Variants in MYO5C observed in about 807,000 individuals in gnomAD.
MYO5C encodes myosin VC.
Under a neutral mutation model 235.7 loss-of-function variants are expected in MYO5C, and 194 were observed. That is an observed-to-expected ratio of 0.82 (90% CI 0.73 to 0.93). The LOEUF (loss-of-function observed/expected upper bound fraction) is 0.93. Ranked by LOEUF, MYO5C falls within the 40% of genes least tolerant of loss-of-function variation. The pLI, the probability that MYO5C is intolerant of heterozygous loss-of-function variation, is 0.00. For missense variants in MYO5C, 2,038 were observed against 2,127.2 expected (o/e 0.96, Z 0.82); for synonymous variants, 707 against 754.8 (o/e 0.94, Z 1.04).
chr15:52,196,991 CCT>C, intron 38 of MYO5C, among the ~76,000 whole-genome samples: 1 of 152,156 alleles, frequency 6.6e-6, no homozygotes, highest in Non-Finnish European at 1.5e-5. Flanking sequence ...AGTTAATCGA[CCT>C]CTCTGGGCAC....
At chr15:52,194,731 G>A (rs12903539) in intron 40 of MYO5C, among the ~76,000 whole-genome samples, 24,105 of 150,346 alleles carry the variant, frequency 0.16, 2,173 homozygotes, top group Admixed American at 0.28. Flanking sequence ...TATTATATAC[G>A]CCATATTTTA....
At position 52,279,655 on chromosome 15, in the gene MYO5C, T is replaced by A; in HGVS notation, c.158A>T (p.Asn53Ile). ...CCGAAGTGGAGGCAGAGATTCTGGA[T>A]TGACAGAATAATCCAGCTCCTATGG... ...EDGTELDYSV[N>I]PESLPPLRNP... Residue 53 changes from asparagine to isoleucine, a missense_variant, in exon 3 of 41, where the codon AAT becomes ATT. Physicochemically the swap from Asn to Ile is moderately radical, Grantham distance 149. Transcript: ENST00000261839. The A allele has an allele frequency of 6.2e-7, 1 of 1,613,162 alleles. No individual in the cohort carries two copies. Among genetic ancestry groups the A allele is most frequent in the Non-Finnish European group, 8.5e-7 (1 of 1,179,142 alleles).
At chr15:52,257,453 A>T (rs2036607309) in intron 10 of MYO5C, among the ~76,000 whole-genome samples, 1 of 152,200 alleles carries the variant, frequency 6.6e-6, no homozygotes, top group Non-Finnish European at 1.5e-5. Flanking sequence ...GCGGCCCAGG[A>T]TGTTAGATTA....
intron 29 of MYO5C, among the ~76,000 whole-genome samples, chr15:52,223,163 AAAAG>A (rs1238515502): frequency 2.6e-5 from 4 of 151,386 alleles, no homozygotes; most frequent in African/African-American, 7.3e-5. Context: ...AAAAAAAAAA[AAAAG>A]GTGAGATTTC....
chr15:52,208,184 A>G (rs1234139653), intron 36 of MYO5C, among the ~76,000 whole-genome samples: 4 of 152,250 alleles, frequency 2.6e-5, no homozygotes, highest in Non-Finnish European at 1.5e-5. Context: ...CAAAGGAAAC[A>G]TATTTATAGA....
chr15:52,268,382 G>A (rs756885331), intron 8 of MYO5C, among the ~76,000 whole-genome samples: 29 of 152,118 alleles, frequency 1.9e-4, no homozygotes, highest in Admixed American at 6.5e-5. Context: ...GGCCAACACG[G>A]TGAAACCCTG....
chr15:52,232,198 G>A (rs1566971505), intron 24 of MYO5C, among the ~76,000 whole-genome samples: 6 of 76,206 alleles, frequency 7.9e-5, no homozygotes, highest in East Asian at 3.3e-3. Context: ...AAGGGAGGAA[G>A]GAAGGAAGGA....
intron 14 of MYO5C, among the ~76,000 whole-genome samples, chr15:52,247,987 C>T (rs188379394): frequency 6.6e-6 from 1 of 152,268 alleles, no homozygotes; most frequent in East Asian, 1.9e-4. Context: ...GTTTTCCAGC[C>T]CCACCCACTT....
chr15:52,235,338 C>T lies in MYO5C; in HGVS notation c.2962+332G>A, dbSNP rs114220886. Among the ~76,000 whole-genome samples, 488 of 152,294 alleles carry T rather than the reference C, an allele frequency of 3.2e-3. 3 individuals are homozygous for T. Among genetic ancestry groups the T allele is most frequent in the African/African-American group, 0.011 (466 of 41,560 alleles). ...GAACCACCTCTGACACCACCACACA[C>T]GAATGCGCACACACAGACACACACA... On this transcript the variant is annotated intron_variant, in intron 23 of 40. Coordinates refer to ENST00000261839, the MANE Select transcript of MYO5C (RefSeq NM_018728.4).
chr15:52,195,086 G>T (rs941129100), intron 40 of MYO5C, among the ~76,000 whole-genome samples: 3 of 152,104 alleles, frequency 2.0e-5, no homozygotes, highest in African/African-American at 7.2e-5. Context: ...TTTCCATTCA[G>T]CCTCTGCCCA....
chr15:52,222,322 C>T (rs187351400), intron 29 of MYO5C, among the ~76,000 whole-genome samples: 1 of 152,322 alleles, frequency 6.6e-6, no homozygotes, highest in Admixed American at 6.5e-5. Flanking sequence ...AAAGGTCCCC[C>T]ACTACCGTTC....
chr15:52,205,277 A>G (rs1247898367), intron 37 of MYO5C, 130 bp from the exon 38 acceptor site: 17 of 1,050,686 alleles, frequency 1.6e-5, no homozygotes, highest in Non-Finnish European at 2.3e-5. Context: ...TATGATAGAG[A>G]AAGCAAAAGA....
intron 8 of MYO5C, among the ~76,000 whole-genome samples, chr15:52,267,515 A>G (rs1341097144): frequency 6.6e-6 from 1 of 152,066 alleles, no homozygotes; most frequent in Admixed American, 6.6e-5. Flanking sequence ...GTGAAACCCC[A>G]TCTCTACTAA....
Position 52,208,481 on chromosome 15 carries a change from T to C in MYO5C, c.4386+73A>G, listed in dbSNP as rs1332301946. 4.3e-6 allele frequency: 6 copies of C among 1,393,684 alleles called. No individual in the cohort carries two copies. The African/African-American group carries it at 8.6e-5, about 20-fold the overall frequency. 86.3% of individuals were successfully genotyped at this position (1,393,684 alleles called of 1,614,324 possible). On this transcript the variant is annotated intron_variant, in intron 36 of 40. Coordinates refer to ENST00000261839, the MANE Select transcript of MYO5C (RefSeq NM_018728.4). ...CCTGGTGGAGAGGATAGAGGCTCTA[T>C]TGAGCTCTGGCTCAGGAGGAGGTTA...
rs762943375 is a variant in MYO5C, at chr15:52,260,932, C to G, written c.1243G>C (p.Glu415Gln). 5 of 1,614,228 alleles carry G rather than the reference C, an allele frequency of 3.1e-6. No individual in the cohort carries two copies. The highest frequency in any genetic ancestry group is 4.2e-6 in the Non-Finnish European group (5 of 1,180,046). Reference sequence around the variant, plus strand: ...AACTGCAACGCTTGGTTAATTCTCTCCACAATGAAGTCGAACAGGTGAGCA... The same window carrying G: ...AACTGCAACGCTTGGTTAATTCTCTGCACAATGAAGTCGAACAGGTGAGCA... ...IYAHLFDFIV[E>Q]RINQALQFSG... The change falls in exon 10 of 41, where the codon GAG becomes CAG. Residue 415 changes from glutamate to glutamine, a missense_variant. Coordinates refer to ENST00000261839, the MANE Select transcript of MYO5C (RefSeq NM_018728.4).
intron 37 of MYO5C, 148 bp from the exon 38 acceptor site, chr15:52,205,295 G>A (rs2035285021): frequency 1.1e-6 from 1 of 888,228 alleles, no homozygotes; most frequent in South Asian, 1.8e-5. Flanking sequence ...AGAATCAAGG[G>A]TTTGGGACAC....
intron 30 of MYO5C, among the ~76,000 whole-genome samples, chr15:52,220,650 C>G (rs905759786): frequency 3.5e-5 from 5 of 141,752 alleles, no homozygotes; most frequent in African/African-American, 1.1e-4. Flanking sequence ...GAAACCCCAT[C>G]TCTACTAAAA....
chr15:52,253,445 GT>G lies in MYO5C; in HGVS notation c.1407del (p.Lys469AsnfsTer8), dbSNP rs1374133860. The part of the protein sequence containing the change: ...LQQQFNMHVF[K>X]LEQEEYMKED... Reference sequence around the variant, plus strand: ...TCCTTCATGTATTCTTCTTGTTCCAGTTTGAAGACATGCTGGGAATCCAAAG... The same window carrying G: ...TCCTTCATGTATTCTTCTTGTTCCAGTTGAAGACATGCTGGGAATCCAAAG... On this transcript the variant is annotated frameshift_variant, in exon 12 of 41. Transcript: ENST00000261839. LOFTEE classifies it high-confidence loss of function. The G allele has an allele frequency of 6.2e-7, 1 of 1,611,818 alleles. No individual in the cohort carries two copies. Among genetic ancestry groups the G allele is most frequent in the South Asian group, 1.1e-5 (1 of 90,432 alleles).
At chr15:52,204,692 C>T (rs984055628) in intron 38 of MYO5C, among the ~76,000 whole-genome samples, 173 bp downstream of exon 38, 6 of 152,004 alleles carry the variant, frequency 3.9e-5, no homozygotes, top group Admixed American at 1.3e-4. Flanking sequence ...GGGGAGTAGG[C>T]CCTGGGCGCC....
Sources: gnomAD v4.1 joint callset for allele counts (sites outside exome capture counted in the v4.1 genomes callset) on GRCh38, gnomAD v4.1.1 for gene constraint, MANE v1.5 for transcripts, NCBI Gene and HGNC (gene_info 2026-07-23, HGNC 2026-07-21) for gene names.